The following RBFOX1 variants were observed in gnomAD, a reference collection of about 807,000 sequenced individuals.
RBFOX1 encodes RNA binding protein fox-1 homolog 1.
RBFOX1 carries 8 observed loss-of-function variants against 57.7 expected under a neutral mutation model. The ratio of observed to expected loss-of-function variants is 0.14; its 90% CI spans 0.08 to 0.25. The LOEUF (loss-of-function observed/expected upper bound fraction) is 0.25, where lower values mean the gene tolerates loss of function less well. Among genes scored for constraint, RBFOX1 ranks in the 10% least tolerant of loss-of-function variants. RBFOX1 has a pLI of 1.00. For synonymous variants in RBFOX1, 326 were observed against 222.4 expected, an observed-to-expected ratio of 1.47 and a Z score of -4.15; for missense variants, 611 against 548.5, an observed-to-expected ratio of 1.11 and a Z score of -1.14.
At chr16:7,656,898 T>C (rs1027235357) in intron 12 of RBFOX1, among the ~76,000 whole-genome samples, 2 of 152,184 alleles carry the variant, frequency 1.3e-5, no homozygotes, top group Non-Finnish European at 2.9e-5. Flanking sequence ...ATGGGGTATA[T>C]ATAAGTCCAA....
chr16:7,341,448 C>G (rs1603624910), intron 4 of RBFOX1, among the ~76,000 whole-genome samples: 4 of 152,260 alleles, frequency 2.6e-5, no homozygotes, highest in Admixed American at 6.5e-5. Flanking sequence ...AAGTCCCAGT[C>G]TCCGTCCTCA....
chr16:6,860,086 G>A (rs916826395), intron 3 of RBFOX1, among the ~76,000 whole-genome samples: 2 of 152,164 alleles, frequency 1.3e-5, no homozygotes, highest in African/African-American at 4.8e-5. Context: ...ATTTGGAATT[G>A]TGTACTATTT....
At chr16:6,079,408 C>G (rs114078983) in intron 1 of RBFOX1, among the ~76,000 whole-genome samples, 1 of 152,216 alleles carries the variant, frequency 6.6e-6, no homozygotes, top group South Asian at 2.1e-4. Context: ...ACCTCCTGGC[C>G]TCAAGTGATC....
chr16:7,097,658 C>T (rs973801014), intron 4 of RBFOX1, among the ~76,000 whole-genome samples: 1 of 152,174 alleles, frequency 6.6e-6, no homozygotes, highest in African/African-American at 2.4e-5. Flanking sequence ...CAGGGCCTCT[C>T]TGCATCTGGT....
intron 4 of RBFOX1, among the ~76,000 whole-genome samples, chr16:7,166,684 G>A (rs1345740164): frequency 2.0e-5 from 3 of 152,112 alleles, no homozygotes; most frequent in African/African-American, 4.8e-5. Flanking sequence ...CTTTGCCCCA[G>A]TCTGCTGTCA....
upstream of RBFOX1, among the ~76,000 whole-genome samples, chr16:6,014,792 T>A (rs1297790929): frequency 1.3e-5 from 2 of 152,148 alleles, no homozygotes; most frequent in Admixed American, 1.3e-4. Context: ...TTGTATCAAC[T>A]CTTCTGTGAC....
intron 2 of RBFOX1, among the ~76,000 whole-genome samples, chr16:6,356,901 C>T (rs2087423870): frequency 6.6e-6 from 1 of 152,038 alleles, no homozygotes; most frequent in Non-Finnish European, 1.5e-5. Context: ...TCTGTAAATC[C>T]AAAAGCGTTC....
At position 6,208,411 on chromosome 16, in the gene RBFOX1, C is replaced by G. The variant is rs533391422; in HGVS notation, c.-126-108584C>G. Among the ~76,000 whole-genome samples the G allele has an allele frequency of 5.7e-5, 3 of 52,634 alleles. No homozygotes were observed. In the South Asian group the frequency reaches 3.7e-3, roughly 64 times the overall value. 34.5% of individuals were successfully genotyped at this position (52,634 alleles called of 152,430 possible). A position where few individuals can be genotyped will look rare whatever the true frequency, so the allele number is the denominator to read the frequency against. ...AGAAGCCGTTTATTTATTCATTCAG[C>G]AAGCATGTGCTTAGTGTAAGGTGTG... On this transcript the variant is annotated intron_variant, in intron 1 of 15. Coordinates refer to ENST00000550418, the MANE Select transcript of RBFOX1 (RefSeq NM_018723.4).
intron 1 of RBFOX1, among the ~76,000 whole-genome samples, chr16:5,351,364 G>T (rs186389504): frequency 3.7e-4 from 56 of 152,326 alleles, no homozygotes; most frequent in African/African-American, 1.3e-3. Context: ...CCCCTTTAGA[G>T]TTAAGGAAAG....
chr16:5,722,654 A>G (rs368388079), intron 3 of RBFOX1, among the ~76,000 whole-genome samples: 12 of 152,296 alleles, frequency 7.9e-5, no homozygotes, highest in African/African-American at 2.6e-4. Context: ...TCTGAAGTAG[A>G]CATAGGTGGT....
intron 2 of RBFOX1, among the ~76,000 whole-genome samples, chr16:5,476,271 T>C (rs557524101): frequency 3.3e-5 from 5 of 152,322 alleles, no homozygotes; most frequent in Admixed American, 2.0e-4. Context: ...ATATATGCCA[T>C]ATTTTACTTG....
At chr16:6,501,946 C>G (rs903604315) in intron 2 of RBFOX1, among the ~76,000 whole-genome samples, 1 of 152,080 alleles carries the variant, frequency 6.6e-6, no homozygotes, top group Admixed American at 6.6e-5. Flanking sequence ...TAGTGGTGAA[C>G]AAAATAGATA....
intron 3 of RBFOX1, among the ~76,000 whole-genome samples, chr16:6,826,771 T>C (rs1286163156): frequency 1.3e-5 from 2 of 152,212 alleles, no homozygotes; most frequent in Non-Finnish European, 1.5e-5. Flanking sequence ...GAATTTATTA[T>C]ACTACAAGAA....
At chr16:7,579,995 G>T in intron 6 of RBFOX1, 75 bp downstream of exon 6, 3 of 1,510,356 alleles carry the variant, frequency 2.0e-6, no homozygotes, top group Non-Finnish European at 2.7e-6. Flanking sequence ...GTAAGTTTGG[G>T]GTATTTACAA....
At chr16:5,301,232 C>T (rs995606004) in intron 1 of RBFOX1, among the ~76,000 whole-genome samples, 1 of 152,192 alleles carries the variant, frequency 6.6e-6, no homozygotes, top group African/African-American at 2.4e-5. Context: ...GAGAGGTTCA[C>T]ATGGCAGGGA....
At chr16:6,963,589 C>T (rs926745979) in intron 3 of RBFOX1, among the ~76,000 whole-genome samples, 4 of 152,072 alleles carry the variant, frequency 2.6e-5, no homozygotes, top group Non-Finnish European at 5.9e-5. Flanking sequence ...AACTATAGGC[C>T]ATCCTAGAAA....
intron 3 of RBFOX1, among the ~76,000 whole-genome samples, chr16:6,999,225 A>ATTTTTTTTTTTTTTTTTTTTTTTTTTTT (rs200620958): frequency 8.1e-6 from 1 of 122,954 alleles, no homozygotes. Flanking sequence ...TATTTTTTTT[A>ATTTTTTTTTTTTTTTTTTTTTTTTTTTT]TTTATTTTTT....
chr16:6,827,323 A>G (rs898767574), intron 3 of RBFOX1, among the ~76,000 whole-genome samples: 12 of 152,302 alleles, frequency 7.9e-5, no homozygotes, highest in African/African-American at 2.4e-4. Context: ...GGTTACAGAT[A>G]AAGCAAGTAA....
At chr16:6,018,794 A>G (rs558446746), upstream of RBFOX1, among the ~76,000 whole-genome samples, 151 of 152,216 alleles carry the variant, frequency 9.9e-4, no homozygotes, top group African/African-American at 3.5e-3. Flanking sequence ...CTGGTGCTCA[A>G]TGAGTGAGCC....
Sources: gnomAD v4.1 joint callset for allele counts (sites outside exome capture counted in the v4.1 genomes callset) on GRCh38, gnomAD v4.1.1 for gene constraint, MANE v1.5 for transcripts, NCBI Gene and HGNC (gene_info 2026-07-23, HGNC 2026-07-21) for gene names.